Variants in NLRP1 observed in about 807,000 individuals in gnomAD.
The protein encoded by NLRP1 is NLR family pyrin domain containing 1.
A neutral mutation model predicts 136.7 loss-of-function variants in NLRP1; 94 were observed. That is an observed-to-expected ratio of 0.69 (90% CI 0.58 to 0.82). The LOEUF is 0.82. Among genes scored for constraint, NLRP1 ranks in the 40% least tolerant of loss-of-function variants. The pLI is 0.00. For synonymous variants in NLRP1, 690 were observed against 725.1 expected, an observed-to-expected ratio of 0.95 and a Z score of 0.78; for missense variants, 1,575 against 1,802.7, an observed-to-expected ratio of 0.87 and a Z score of 2.29.
At chr17:5,529,873 A>T (rs1910022000) in intron 12 of NLRP1, 1 of 409,238 alleles carries the variant, frequency 2.4e-6, no homozygotes, top group Non-Finnish European at 4.9e-6. Context: ...GCTGGCTCTT[A>T]CTTCTGGTGC....
Position 5,514,320 on chromosome 17 carries a change from T to C in NLRP1, c.*434A>G, listed in dbSNP as rs1907823591. On this transcript the variant is annotated 3_prime_UTR_variant, in exon 17 of 17. Transcript: ENST00000572272. ...TCCACTTTACTCTGTTGGCTTGCTC[T>C]TGTAGATCTTCCTGTACAAAGCCAA... 1 of 765,846 alleles carries C rather than the reference T, an allele frequency of 1.3e-6. No individual in the cohort carries two copies. Among genetic ancestry groups the C allele is most frequent in the Non-Finnish European group, 1.6e-6 (1 of 618,830 alleles). 47.4% of individuals were successfully genotyped at this position (765,846 alleles called of 1,614,324 possible). A position where few individuals can be genotyped will look rare whatever the true frequency, so the allele number is the denominator to read the frequency against.
chr17:5,501,481 G>A (rs72827614), exon 16 of NLRP1: 11,244 of 209,480 alleles, frequency 0.054, 601 homozygotes, highest in African/African-American at 0.15. Context: ...AAACAGTGTA[G>A]GCAAAATCAG....
At chr17:5,539,355 C>T (rs1005757240) in intron 7 of NLRP1, 60 bp downstream of exon 7, 105 of 1,499,502 alleles carry the variant, frequency 7.0e-5, no homozygotes, top group Middle Eastern at 6.0e-4. Flanking sequence ...TTTTCCATCC[C>T]CTGTCCGATA....
chr17:5,507,291 T>G lies in NLRP1; in HGVS notation c.4070-5419A>C, dbSNP rs1011422365. On this transcript the variant is annotated intron_variant, in intron 15 of 15. Transcript: ENST00000262467. The stretch of plus-strand genomic sequence containing the variant: ...AAATAACTGTGAGGACATTTTGTTC[T>G]CCCTCAAACTGTCTTCAAATAAATT... Among the ~76,000 whole-genome samples, 3 of 152,178 alleles carry G rather than the reference T, an allele frequency of 2.0e-5. No individual in the cohort carries two copies. In the East Asian group the frequency reaches 5.8e-4, roughly 29 times the overall value.
downstream of NLRP1, chr17:5,512,641 G>A (rs568118944): frequency 1.5e-5 from 6 of 398,198 alleles, no homozygotes; most frequent in East Asian, 4.2e-5. Context: ...TGTGTGACCT[G>A]TGCGGTCACA....
intron 15 of NLRP1, chr17:5,502,052 C>T (rs1907116388): frequency 3.4e-6 from 2 of 594,860 alleles, no homozygotes; most frequent in East Asian, 3.1e-5. Context: ...AACGCTGTAA[C>T]CAGGGTGCTG....
At chr17:5,574,522 G>A (rs1313544069) in intron 3 of NLRP1, among the ~76,000 whole-genome samples, 1 of 152,092 alleles carries the variant, frequency 6.6e-6, no homozygotes, top group South Asian at 2.1e-4. Context: ...CACCAAAGCT[G>A]AAATGAAGGA....
Position 5,530,505 on chromosome 17 carries a change from G to A in NLRP1, c.3496C>T (p.Leu1166Phe), listed in dbSNP as rs767352453. ...AEPGAVEAVH[L>F]PHFVALQGGH... is the part of the protein sequence containing the mutation. The stretch of plus-strand genomic sequence containing the variant: ...CCTTGGAGAGCCACAAAGTGAGGGA[G>A]GTGCACAGCTTCCACAGCTCCAGGC... Residue 1166 changes from leucine (L) to phenylalanine (F), a missense_variant, in exon 12 of 17, where the codon CTC becomes TTC. Physicochemically the swap from Leu to Phe is conservative, Grantham distance 22. Transcript: ENST00000572272. 1.9e-6 allele frequency: 3 copies of A among 1,614,050 alleles called. No individual in the cohort carries two copies. The highest frequency in any genetic ancestry group is 1.7e-4 in the Middle Eastern group (1 of 6,030).
rs575096863 is a variant in NLRP1, at chr17:5,570,653, AC to A, written c.653-10611del. ...CCAGAGAGATTCACAGCTGAATTCT[AC>A]CAGACACATAAAGAAGAGCTCGTAC... On this transcript the variant is annotated intron_variant, in intron 3 of 16. Coordinates refer to ENST00000572272, the MANE Select transcript of NLRP1 (RefSeq NM_033004.4). 7.9e-5 allele frequency among the ~76,000 whole-genome samples: 12 copies of A among 152,258 alleles called. No individual in the cohort carries two copies. In the South Asian group the frequency reaches 2.5e-3, roughly 32 times the overall value.
chr17:5,545,993 A>G (rs867424172), intron 5 of NLRP1, among the ~76,000 whole-genome samples: 1 of 152,074 alleles, frequency 6.6e-6, no homozygotes, highest in South Asian at 2.1e-4. Context: ...CCCTCCTCCA[A>G]TCCTACCCAC....
At chr17:5,511,747 TCTC>T (rs1907645712), downstream of NLRP1, among the ~76,000 whole-genome samples, 1 of 117,174 alleles carries the variant, frequency 8.5e-6, no homozygotes, top group African/African-American at 3.2e-5. Context: ...TCCCTCCCTT[TCTC>T]TTTTCTTTTT....
At chr17:5,570,057 T>C (rs1326723739) in intron 3 of NLRP1, among the ~76,000 whole-genome samples, 2 of 152,082 alleles carry the variant, frequency 1.3e-5, no homozygotes, top group Admixed American at 6.6e-5. Context: ...AAGAAATTCT[T>C]TGAAACCAAT....
intron 11 of NLRP1, among the ~76,000 whole-genome samples, chr17:5,531,728 G>C (rs1445247618): frequency 6.6e-6 from 1 of 152,118 alleles, no homozygotes; most frequent in Non-Finnish European, 1.5e-5. Context: ...TTATATAAGA[G>C]ATCATGAGTA....
intron 5 of NLRP1, among the ~76,000 whole-genome samples, chr17:5,544,096 C>T (rs1206252800): frequency 6.6e-6 from 1 of 152,118 alleles, no homozygotes; most frequent in Non-Finnish European, 1.5e-5. Flanking sequence ...ATAGGTGATG[C>T]CATCTCCTGC....
chr17:5,521,684 T>C lies in NLRP1; in HGVS notation c.3623A>G (p.Glu1208Gly). 1 of 1,613,864 alleles carries C rather than the reference T, an allele frequency of 6.2e-7. No homozygotes were observed. Among genetic ancestry groups the C allele is most frequent in the Non-Finnish European group, 8.5e-7 (1 of 1,180,024 alleles). Reference sequence around the variant, plus strand: ...TCCCAAGGGGGAGAAGCTGGGGTTTTCCAGAACTATGTGATGCAGCTCCAC... The same window carrying C: ...TCCCAAGGGGGAGAAGCTGGGGTTTCCCAGAACTATGTGATGCAGCTCCAC... The part of the protein sequence containing the change: ...ARVELHHIVL[E>G]NPSFSPLGVL... Residue 1208 changes from glutamate to glycine, a missense_variant, in exon 13 of 17, where the codon GAA becomes GGA. By Grantham distance (98) the Glu-to-Gly change is moderately conservative (BLOSUM62 -2). Coordinates refer to ENST00000572272, the MANE Select transcript of NLRP1 (RefSeq NM_033004.4).
In NLRP1 at chr17:5,584,392, CA is replaced by C. The variant is rs1243511250; in HGVS notation, c.-436del. The C allele has an allele frequency of 5.7e-6, 1 of 176,868 alleles. No homozygotes were observed. Among genetic ancestry groups the C allele is most frequent in the Non-Finnish European group, 1.2e-5 (1 of 82,388 alleles). 11.0% of individuals were successfully genotyped at this position (176,868 alleles called of 1,614,324 possible). A position where few individuals can be genotyped will look rare whatever the true frequency, so the allele number is the denominator to read the frequency against. ...AGAAGAGGTGGGGTGGGAGGAGCCG[CA>C]GAGCAGGGAATGGGCTTTCAGAACC... is the stretch of plus-strand genomic sequence containing the variant. On this transcript the variant is annotated 5_prime_UTR_variant, in exon 1 of 17. Transcript: ENST00000572272.
chr17:5,505,933 T>A (rs1019861513), intron 15 of NLRP1: 4 of 152,224 alleles, frequency 2.6e-5, no homozygotes, highest in African/African-American at 9.7e-5. Context: ...TCAGAGAGAA[T>A]AGATTTGGTT....
chr17:5,516,777 C>T (rs574173882), intron 15 of NLRP1, among the ~76,000 whole-genome samples: 3 of 152,274 alleles, frequency 2.0e-5, no homozygotes, highest in South Asian at 4.1e-4. Flanking sequence ...GTTAGTTCTC[C>T]ATCTGTGGTT....
chr17:5,574,074 A>C (rs1904737668), intron 3 of NLRP1, among the ~76,000 whole-genome samples: 1 of 152,198 alleles, frequency 6.6e-6, no homozygotes, highest in South Asian at 2.1e-4. Context: ...GATTAGACAA[A>C]TGGCTAACTA....
Sources: gnomAD v4.1 joint callset for allele counts (sites outside exome capture counted in the v4.1 genomes callset) on GRCh38, gnomAD v4.1.1 for gene constraint, MANE v1.5 for transcripts, NCBI Gene and HGNC (gene_info 2026-07-23, HGNC 2026-07-21) for gene names.